Variants in ARHGEF4 observed in about 807,000 individuals in gnomAD.
ARHGEF4 encodes the protein APC-stimulated guanine nucleotide exchange factor 1.
In ARHGEF4, 119 loss-of-function variants were observed where a neutral mutation model predicts 162.0. The ratio of observed to expected loss-of-function variants is 0.73; its 90% confidence interval spans 0.63 to 0.86. The LOEUF (loss-of-function observed/expected upper bound fraction) is 0.86. Among genes scored for constraint, ARHGEF4 ranks in the 40% least tolerant of loss-of-function variants. ARHGEF4 has a pLI of 0.00. For synonymous variants in ARHGEF4, 1,014 were observed against 979.9 expected (o/e 1.03, Z -0.65); for missense variants, 2,488 against 2,456.0 (o/e 1.01, Z -0.28).
chr2:130,952,097 C>T (rs977224052), intron 4 of ARHGEF4, among the ~76,000 whole-genome samples: 1 of 152,102 alleles, frequency 6.6e-6, no homozygotes, highest in African/African-American at 2.4e-5. Flanking sequence ...ATAATTACAT[C>T]ATTACCTTTT....
chr2:130,920,623 T>C (rs1437285512), intron 2 of ARHGEF4, among the ~76,000 whole-genome samples: 8 of 152,178 alleles, frequency 5.3e-5, no homozygotes, highest in Non-Finnish European at 1.2e-4. Context: ...CGCCATCTTG[T>C]GGGCATTCCT....
At position 130,914,203 on chromosome 2, in the gene ARHGEF4, G is replaced by A. The variant is rs1681359219; in HGVS notation, c.257G>A (p.Arg86Lys). Residue 86 changes from arginine (R) to lysine (K), a missense_variant, in exon 2 of 14, where the codon AGG becomes AAG. Arg to Lys is a conservative substitution (Grantham distance 26). Around this residue, in one of 6 missense-constraint regions of ARHGEF4, gnomAD observed 171 missense variants for 169.4 expected, o/e 1.01. Transcript: ENST00000409359. Reference sequence around the variant, plus strand: ...GAGTCCTTGTCTGGGTACCTCCCGAGGGGAGTCTTCCACCCTCTAAGAGGT... The same window carrying A: ...GAGTCCTTGTCTGGGTACCTCCCGAAGGGAGTCTTCCACCCTCTAAGAGGT... The part of the protein sequence containing the change: ...DTESLSGYLP[R>K]GVFHPLRGTP... The A allele has an allele frequency of 2.6e-6, 4 of 1,536,082 alleles. No individual in the cohort carries two copies. Among genetic ancestry groups the A allele is most frequent in the Non-Finnish European group, 3.5e-6 (4 of 1,146,886 alleles).
chr2:130,885,695 G>A (rs1163995317), intron 1 of ARHGEF4, among the ~76,000 whole-genome samples: 1 of 148,308 alleles, frequency 6.7e-6, no homozygotes, highest in East Asian at 2.0e-4. Flanking sequence ...TCAGCCTCCC[G>A]AGCAGCTGGG....
intron 1 of ARHGEF4, among the ~76,000 whole-genome samples, chr2:130,868,349 A>T (rs921469415): frequency 2.6e-5 from 4 of 151,954 alleles, no homozygotes; most frequent in South Asian, 2.1e-4. Flanking sequence ...GAAGCAGCAG[A>T]CAGTCACCCA....
chr2:131,045,983 G>T, intron 13 of ARHGEF4, 55 bp from the exon 14 acceptor site: 1 of 1,567,258 alleles, frequency 6.4e-7, no homozygotes, highest in Non-Finnish European at 8.7e-7. Flanking sequence ...CCCAACAGCT[G>T]GGGTGGCACT....
At chr2:130,943,302 C>T (rs534936443) in intron 3 of ARHGEF4, among the ~76,000 whole-genome samples, 7 of 152,054 alleles carry the variant, frequency 4.6e-5, no homozygotes, top group Non-Finnish European at 1.0e-4. Flanking sequence ...TGTGTGGCAT[C>T]GTTTTTCACC....
chr2:130,862,499 T>G (rs1169279436), intron 1 of ARHGEF4, among the ~76,000 whole-genome samples: 1 of 9,230 alleles, frequency 1.1e-4, no homozygotes, highest in Non-Finnish European at 1.8e-4. Flanking sequence ...GAAGAAAACA[T>G]AAGAGTAAAT....
chr2:130,985,064 TA>T (rs1686392536), intron 4 of ARHGEF4, among the ~76,000 whole-genome samples: 2 of 152,128 alleles, frequency 1.3e-5, no homozygotes, highest in African/African-American at 4.8e-5. Context: ...GAAATTCCTT[TA>T]AAATTTTCCC....
intron 4 of ARHGEF4, among the ~76,000 whole-genome samples, chr2:130,969,073 C>T (rs563982873): frequency 2.0e-5 from 3 of 152,254 alleles, no homozygotes; most frequent in African/African-American, 4.8e-5. Flanking sequence ...GCATTTAGTA[C>T]GCCTAACCTA....
At chr2:131,038,245 G>A (rs1231404168) in intron 5 of ARHGEF4, among the ~76,000 whole-genome samples, 1 of 151,860 alleles carries the variant, frequency 6.6e-6, no homozygotes, top group Non-Finnish European at 1.5e-5. Context: ...CTGCAGCCTT[G>A]CAGCCCAGCC....
At chr2:131,045,823 A>C in intron 13 of ARHGEF4, 1 of 1,434,828 alleles carries the variant, frequency 7.0e-7, no homozygotes, top group East Asian at 2.5e-5. Context: ...CCCCCTCTTC[A>C]GGCTGCTGCA....
chr2:130,903,318 G>A (rs183970375), intron 1 of ARHGEF4, among the ~76,000 whole-genome samples: 224 of 151,332 alleles, frequency 1.5e-3, no homozygotes, highest in African/African-American at 5.3e-3. Flanking sequence ...GAGTGCAGTG[G>A]CGTGATCTCG....
intron 4 of ARHGEF4, among the ~76,000 whole-genome samples, chr2:130,959,224 G>A (rs1399205836): frequency 6.6e-6 from 1 of 152,174 alleles, no homozygotes; most frequent in Non-Finnish European, 1.5e-5. Context: ...TTACAGGCAT[G>A]AGCCACCACG....
chr2:131,043,370 G>C (rs2288189), intron 10 of ARHGEF4, 82 bp from the exon 11 acceptor site: 231,742 of 1,576,198 alleles, frequency 0.15, 21,534 homozygotes, highest in African/African-American at 0.43. Flanking sequence ...GGGGAGGTGC[G>C]CCACCCACCC....
chr2:131,008,621 G>A (rs1293043521), intron 4 of ARHGEF4, among the ~76,000 whole-genome samples: 2 of 151,510 alleles, frequency 1.3e-5, no homozygotes, highest in Non-Finnish European at 2.9e-5. Flanking sequence ...TTTCTGTTTT[G>A]TTTTGGATTA....
intron 4 of ARHGEF4, among the ~76,000 whole-genome samples, chr2:130,962,237 CAAAAA>C (rs11332592): frequency 8.2e-6 from 1 of 122,348 alleles, no homozygotes. Flanking sequence ...GTTTCCGTTT[CAAAAA>C]AAAAAAAAAA....
rs552257871 is a variant in ARHGEF4, at chr2:130,919,198, T to C, written c.3552+1700T>C. On this transcript the variant is annotated intron_variant, in intron 2 of 13. Transcript: ENST00000409359. ...TTTCCTTTCACGGTTCTTCTACTGA[T>C]TGGCATTGAGGTAATCTCTAGTTTG... Among the ~76,000 whole-genome samples the C allele has an allele frequency of 2.6e-5, 4 of 152,338 alleles. No individual in the cohort carries two copies. The South Asian group carries it at 6.2e-4, about 24-fold the overall frequency.
At chr2:131,043,843 A>G (rs74464080) in intron 11 of ARHGEF4, among the ~76,000 whole-genome samples, 2,065 of 152,098 alleles carry the variant, frequency 0.014, 24 homozygotes, top group Non-Finnish European at 0.02. Context: ...CTTGCTCCTC[A>G]AGCTACCTCT....
chr2:130,906,051 CAA>C (rs1289867674), intron 1 of ARHGEF4, among the ~76,000 whole-genome samples: 5 of 152,200 alleles, frequency 3.3e-5, no homozygotes, highest in Non-Finnish European at 1.5e-5. Flanking sequence ...TACTAGCTGT[CAA>C]GAGCTCTTTT....
Sources: gnomAD v4.1 joint callset for allele counts (sites outside exome capture counted in the v4.1 genomes callset) on GRCh38, gnomAD v4.1.1 for gene constraint, gnomAD v4.1.1 regional missense constraint, MANE v1.5 for transcripts, NCBI Gene and HGNC (gene_info 2026-07-23, HGNC 2026-07-21) for gene names.